TRDN: variants seen among roughly 807,000 people sequenced by gnomAD.
The protein encoded by TRDN is triadin, also known as triadin in skeletal muscle.
In TRDN, 161 loss-of-function variants were observed where a neutral mutation model predicts 149.7. The ratio of observed to expected loss-of-function variants is 1.08; its 90% CI spans 0.95 to 1.23. The LOEUF (loss-of-function observed/expected upper bound fraction) is 1.23, where lower values mean the gene tolerates loss of function less well. TRDN is among the 50% of genes most tolerant of loss of function. The pLI is 0.00. For missense variants in TRDN, 896 were observed against 823.5 expected (o/e 1.09, Z -1.08); for synonymous variants, 294 against 250.5 (o/e 1.17, Z -1.64).
chr6:123,257,078 T>G (rs550487173), intron 35 of TRDN, among the ~76,000 whole-genome samples: 2 of 151,878 alleles, frequency 1.3e-5, no homozygotes, highest in South Asian at 4.2e-4. Context: ...CCTCTCAGGT[T>G]CAAGTGATTC....
intron 19 of TRDN, among the ~76,000 whole-genome samples, chr6:123,371,606 C>T (rs1781330533): frequency 6.6e-6 from 1 of 152,106 alleles, no homozygotes; most frequent in South Asian, 2.1e-4. Flanking sequence ...CCTTTTTCCC[C>T]TACCTCTTCA....
At chr6:123,229,532 T>G (rs12111031) in intron 38 of TRDN, among the ~76,000 whole-genome samples, 3 of 151,902 alleles carry the variant, frequency 2.0e-5, no homozygotes, top group African/African-American at 7.2e-5. Flanking sequence ...TGCCTGAAAG[T>G]TTTTACTTAT....
At chr6:123,501,949 A>G in intron 8 of TRDN, 1 of 985,202 alleles carries the variant, frequency 1.0e-6, no homozygotes, top group East Asian at 1.1e-4. Flanking sequence ...TATCAATAAA[A>G]TGTGGCTCCC....
At chr6:123,443,908 T>C (rs1035921251) in intron 10 of TRDN, among the ~76,000 whole-genome samples, 13 of 151,030 alleles carry the variant, frequency 8.6e-5, no homozygotes, top group Non-Finnish European at 1.5e-4. Flanking sequence ...TACCATGCTG[T>C]TTTGGTTACT....
At chr6:123,355,836 T>C (rs1349191436) in intron 20 of TRDN, among the ~76,000 whole-genome samples, 2 of 151,794 alleles carry the variant, frequency 1.3e-5, no homozygotes, top group Admixed American at 6.6e-5. Flanking sequence ...AAGAACATTA[T>C]GCATAATTTG....
Position 123,503,760 on chromosome 6 carries a change from T to G in TRDN, c.752A>C (p.Glu251Ala). The G allele has an allele frequency of 6.2e-7, 1 of 1,613,752 alleles. No homozygotes were observed. The highest frequency in any genetic ancestry group is 2.2e-5 in the East Asian group (1 of 44,826). The change falls in exon 8 of 41, where the codon GAG (glutamate) becomes GCG (alanine). Residue 251 changes from glutamate to alanine, a missense_variant. Transcript: ENST00000334268. ...QKTPSKPKEKEDKEKAAVSKH... is the reference protein window; with the variant it reads ...QKTPSKPKEKADKEKAAVSKH... ...TGACACAGCTGCTTTCTCTTTGTCC[T>G]CCTTTTCTTTGGGTTTTGATGGTGT...
chr6:123,299,597 C>T (rs1035054356), intron 24 of TRDN, among the ~76,000 whole-genome samples: 1 of 151,988 alleles, frequency 6.6e-6, no homozygotes, highest in Non-Finnish European at 1.5e-5. Flanking sequence ...TTCTGAAACA[C>T]CTTCCTCTGG....
chr6:123,342,459 A>G (rs969126842), intron 21 of TRDN, among the ~76,000 whole-genome samples: 1 of 151,956 alleles, frequency 6.6e-6, no homozygotes, highest in African/African-American at 2.4e-5. Flanking sequence ...ACTTTATTAC[A>G]ATACTGTAAT....
At chr6:123,489,346 A>C (rs1778110281) in intron 9 of TRDN, among the ~76,000 whole-genome samples, 1 of 152,066 alleles carries the variant, frequency 6.6e-6, no homozygotes, top group South Asian at 2.1e-4. Context: ...TGAAGGATTT[A>C]AATCTTGGCT....
At chr6:123,306,177 G>A (rs1191192967) in intron 24 of TRDN, among the ~76,000 whole-genome samples, 1 of 151,970 alleles carries the variant, frequency 6.6e-6, no homozygotes, top group South Asian at 2.1e-4. Flanking sequence ...GTCTGCCCAG[G>A]GACAGATAAA....
intron 2 of TRDN, among the ~76,000 whole-genome samples, chr6:123,570,332 A>G (rs1043696783): frequency 6.6e-6 from 1 of 152,236 alleles, no homozygotes; most frequent in East Asian, 1.9e-4. Flanking sequence ...GTCAAAATAA[A>G]TAAATACAGT....
At chr6:123,352,239 C>T in intron 21 of TRDN, 1 of 984,810 alleles carries the variant, frequency 1.0e-6, no homozygotes, top group Non-Finnish European at 1.2e-6. Context: ...AATATGTCTA[C>T]CAGTTACCCT....
intron 35 of TRDN, among the ~76,000 whole-genome samples, chr6:123,258,397 T>TA (rs1776638277): frequency 6.6e-6 from 1 of 152,150 alleles, no homozygotes; most frequent in African/African-American, 2.4e-5. Context: ...AATAATCATG[T>TA]GTTTTTTGTC....
chr6:123,420,884 G>A (rs1029475571), intron 12 of TRDN, among the ~76,000 whole-genome samples: 2 of 152,194 alleles, frequency 1.3e-5, no homozygotes, highest in African/African-American at 4.8e-5. Context: ...AAAGGAAAAT[G>A]GTTTTTGGGT....
At chr6:123,376,816 A>C (rs992931588) in intron 18 of TRDN, among the ~76,000 whole-genome samples, 5 of 152,072 alleles carry the variant, frequency 3.3e-5, no homozygotes, top group African/African-American at 9.7e-5. Flanking sequence ...AGCAGATGCT[A>C]TTTCCATTTA....
chr6:123,582,589 A>G (rs1040349685), intron 1 of TRDN, among the ~76,000 whole-genome samples: 8 of 152,028 alleles, frequency 5.3e-5, no homozygotes, highest in South Asian at 2.1e-4. Flanking sequence ...AATTTCACAA[A>G]ACAATGTCAT....
In TRDN at chr6:123,421,805, CAAAAAA is replaced by C. The variant is rs56022131; in HGVS notation, c.1051+16252_1051+16257del. Among the ~76,000 whole-genome samples the C allele has an allele frequency of 5.3e-3, 495 of 92,648 alleles. 7 individuals carry two copies. Among genetic ancestry groups the C allele is most frequent in the African/African-American group, 0.02 (481 of 24,102 alleles). The allele number at this position is 92,648 out of a possible 152,430, so 60.8% of individuals were successfully genotyped here. On this transcript the variant is annotated intron_variant, in intron 12 of 40. Coordinates refer to ENST00000334268, the MANE Select transcript of TRDN (RefSeq NM_006073.4). ...TCAACAGAGTGAGACCCTTTCTCTA[CAAAAAA>C]AAAAAAAAAAAAATTGGCCCAGTGT...
intron 5 of TRDN, among the ~76,000 whole-genome samples, chr6:123,529,966 C>T (rs1479566128): frequency 6.6e-6 from 1 of 151,976 alleles, no homozygotes; most frequent in African/African-American, 2.4e-5. Flanking sequence ...GCAAGATTGC[C>T]ATTACTGGAT....
chr6:123,304,156 A>C (rs1467107527), intron 24 of TRDN, among the ~76,000 whole-genome samples: 1 of 152,170 alleles, frequency 6.6e-6, no homozygotes, highest in Non-Finnish European at 1.5e-5. Context: ...TTTTGCAGAC[A>C]GAATAACCAT....
Sources: gnomAD v4.1 joint callset for allele counts (sites outside exome capture counted in the v4.1 genomes callset) on GRCh38, gnomAD v4.1.1 for gene constraint, MANE v1.5 for transcripts, NCBI Gene and HGNC (gene_info 2026-07-23, HGNC 2026-07-21) for gene names.